Variants in TRAPPC9 observed in about 807,000 individuals in gnomAD.
TRAPPC9 encodes the protein IKK2 binding protein.
A neutral mutation model predicts 124.0 loss-of-function variants in TRAPPC9; 83 were observed. That is an observed-to-expected ratio of 0.67 (90% confidence interval 0.56 to 0.80). The LOEUF (loss-of-function observed/expected upper bound fraction) is 0.80. TRAPPC9 is among the 30% of genes least tolerant of loss of function. The pLI is 0.00. For synonymous variants in TRAPPC9, 638 were observed against 617.5 expected (o/e 1.03, Z -0.49); for missense variants, 1,302 against 1,508.3 (o/e 0.86, Z 2.27).
At chr8:139,986,157 C>T (rs575907161) in intron 19 of TRAPPC9, among the ~76,000 whole-genome samples, 59 of 152,194 alleles carry the variant, frequency 3.9e-4, no homozygotes, top group Non-Finnish European at 7.9e-4. Context: ...GCAGGAGAAA[C>T]GCTTGAACCC....
At chr8:140,355,088 A>G (rs1380516200) in intron 9 of TRAPPC9, among the ~76,000 whole-genome samples, 5 of 152,240 alleles carry the variant, frequency 3.3e-5, no homozygotes, top group East Asian at 1.9e-4. Context: ...ACCATAAGAC[A>G]CTATCAGCAT....
At chr8:140,192,483 G>A (rs1483877180) in intron 17 of TRAPPC9, among the ~76,000 whole-genome samples, 1 of 152,184 alleles carries the variant, frequency 6.6e-6, no homozygotes, top group Non-Finnish European at 1.5e-5. Context: ...CAGTGCCTGG[G>A]GCGTGTTTTC....
chr8:139,829,109 G>T (rs116331985), intron 21 of TRAPPC9, among the ~76,000 whole-genome samples: 2,236 of 152,252 alleles, frequency 0.015, 56 homozygotes, highest in African/African-American at 0.05. Flanking sequence ...ACAAATCTTC[G>T]TCTATATTTA....
chr8:139,757,957 T>C (rs1007221021), intron 21 of TRAPPC9, among the ~76,000 whole-genome samples: 1 of 152,198 alleles, frequency 6.6e-6, no homozygotes, highest in Non-Finnish European at 1.5e-5. Context: ...ATTTTTCCAG[T>C]GATTAAAAAT....
At chr8:140,127,968 C>T (rs947905914) in intron 17 of TRAPPC9, among the ~76,000 whole-genome samples, 1 of 152,230 alleles carries the variant, frequency 6.6e-6, no homozygotes, top group African/African-American at 2.4e-5. Context: ...AGTGTGGTGG[C>T]TTTTGCAGGG....
intron 20 of TRAPPC9, among the ~76,000 whole-genome samples, chr8:139,897,822 G>A (rs577589534): frequency 3.9e-5 from 6 of 152,330 alleles, no homozygotes; most frequent in South Asian, 2.1e-4. Context: ...AGTCCACAGC[G>A]TGCCAGAGTG....
chr8:139,948,560 T>C (rs1834424967), intron 19 of TRAPPC9, among the ~76,000 whole-genome samples: 1 of 152,066 alleles, frequency 6.6e-6, no homozygotes, highest in Non-Finnish European at 1.5e-5. Flanking sequence ...TCTCCCTAAG[T>C]TTTGTTCATT....
At chr8:140,018,467 G>A (rs544142891) in intron 18 of TRAPPC9, among the ~76,000 whole-genome samples, 93 of 151,934 alleles carry the variant, frequency 6.1e-4, no homozygotes, top group Non-Finnish European at 1.3e-3. Context: ...GGGACTACAG[G>A]TGCCCACCAC....
At chr8:140,377,207 G>A (rs1436439153) in intron 7 of TRAPPC9, among the ~76,000 whole-genome samples, 3 of 152,196 alleles carry the variant, frequency 2.0e-5, no homozygotes, top group Admixed American at 2.0e-4. Flanking sequence ...GTGAGCAAGC[G>A]AGTTCATGTG....
chr8:140,166,015 A>G (rs1406758753), intron 17 of TRAPPC9, among the ~76,000 whole-genome samples: 1 of 152,128 alleles, frequency 6.6e-6, no homozygotes, highest in Non-Finnish European at 1.5e-5. Flanking sequence ...CATGCTGCCC[A>G]TAACTCCTCC....
chr8:140,192,767 CTGTT>C (rs1239499155), intron 17 of TRAPPC9, among the ~76,000 whole-genome samples: 7 of 152,164 alleles, frequency 4.6e-5, no homozygotes, highest in East Asian at 1.9e-4. Flanking sequence ...CAAGGAATGG[CTGTT>C]TGTTTATTTA....
chr8:140,433,385 T>A, intron 4 of TRAPPC9, among the ~76,000 whole-genome samples: 1 of 152,030 alleles, frequency 6.6e-6, no homozygotes, highest in Middle Eastern at 3.2e-3. Flanking sequence ...GGTCTGGAGT[T>A]CAAGACCAGC....
At chr8:140,222,157 T>A (rs2063350566) in intron 16 of TRAPPC9, among the ~76,000 whole-genome samples, 1 of 152,064 alleles carries the variant, frequency 6.6e-6, no homozygotes, top group Non-Finnish European at 1.5e-5. Flanking sequence ...TGGAATGAGT[T>A]CCCCTCCCTT....
At chr8:140,388,676 C>T (rs1434184072) in intron 7 of TRAPPC9, among the ~76,000 whole-genome samples, 2 of 151,050 alleles carry the variant, frequency 1.3e-5, no homozygotes, top group Admixed American at 6.6e-5. Flanking sequence ...AGCAAGACTC[C>T]ATCTCAAAAA....
chr8:139,892,288 C>T (rs959253989), intron 20 of TRAPPC9, among the ~76,000 whole-genome samples: 1 of 152,200 alleles, frequency 6.6e-6, no homozygotes, highest in African/African-American at 2.4e-5. Context: ...TCATACCAGG[C>T]CCCTCCTAGG....
chr8:140,133,920 A>G (rs1396186289), intron 17 of TRAPPC9, among the ~76,000 whole-genome samples: 1 of 152,106 alleles, frequency 6.6e-6, no homozygotes, highest in Non-Finnish European at 1.5e-5. Context: ...TAAATGGCAG[A>G]CATCCCACGT....
intron 7 of TRAPPC9, among the ~76,000 whole-genome samples, chr8:140,376,165 G>C (rs1236129424): frequency 1.3e-5 from 2 of 152,116 alleles, no homozygotes; most frequent in African/African-American, 4.8e-5. Flanking sequence ...TCATTCAAAA[G>C]TAAGAATGAA....
intron 19 of TRAPPC9, among the ~76,000 whole-genome samples, chr8:139,955,732 C>A (rs1378327872): frequency 6.6e-6 from 1 of 152,194 alleles, no homozygotes; most frequent in Non-Finnish European, 1.5e-5. Flanking sequence ...CAGCCAGCTA[C>A]CGACCAGACT....
intron 16 of TRAPPC9, among the ~76,000 whole-genome samples, chr8:140,251,301 C>T (rs2064127703): frequency 6.6e-6 from 1 of 152,174 alleles, no homozygotes; most frequent in Admixed American, 6.5e-5. Flanking sequence ...AAGTCAGAAC[C>T]TATGTAACCC....
Sources: gnomAD v4.1 joint callset for allele counts (sites outside exome capture counted in the v4.1 genomes callset) on GRCh38, gnomAD v4.1.1 for gene constraint, MANE v1.5 for transcripts, NCBI Gene and HGNC (gene_info 2026-07-23, HGNC 2026-07-21) for gene names.